Variants in NBEAL1 observed in about 807,000 individuals in gnomAD.
NBEAL1 encodes neurobeachin like 1.
In NBEAL1, 273 loss-of-function variants were observed where a neutral mutation model predicts 351.3. The ratio of observed to expected loss-of-function variants is 0.78; its 90% CI spans 0.70 to 0.86. The LOEUF is 0.86. Ranked by LOEUF, NBEAL1 falls within the 40% of genes least tolerant of loss-of-function variation. The probability of loss-of-function intolerance (pLI) is 0.00; values close to 1 mark genes in which losing one functional copy is unlikely to be tolerated. For missense variants in NBEAL1, 2,961 were observed against 3,201.3 expected (o/e 0.92, Z 1.81); for synonymous variants, 1,050 against 1,086.4 (o/e 0.97, Z 0.66).
intron 8 of NBEAL1, among the ~76,000 whole-genome samples, chr2:203,079,636 G>A (rs2061837796): frequency 6.6e-6 from 1 of 151,774 alleles, no homozygotes; most frequent in Admixed American, 6.6e-5. Context: ...AGTGTACTAT[G>A]TTCTTAATAT....
Position 203,112,091 on chromosome 2 carries a change from T to C in NBEAL1, c.2195T>C (p.Met732Thr), listed in dbSNP as rs890132152. The C allele has an allele frequency of 3.7e-5, 57 of 1,551,750 alleles. No individual in the cohort carries two copies. The highest frequency in any genetic ancestry group is 4.8e-5 in the Non-Finnish European group (55 of 1,146,994). Residue 732 changes from methionine (M) to threonine (T), a missense_variant, in exon 16 of 56, where the codon ATG (methionine) becomes ACG (threonine). By Grantham distance (81) the Met-to-Thr change is moderately conservative. Coordinates refer to ENST00000683969, the MANE Select transcript of NBEAL1 (RefSeq NM_001378026.1). ...KVSAPLRFPA[M>T]NEPFTSCCIG... ...TCTGCCCCTCTCAGATTTCCTGCCA[T>C]GAATGAAGTAAGTATATCCAACCTA... is the stretch of plus-strand genomic sequence containing the variant.
rs149076619 is a variant in NBEAL1, at chr2:203,222,255, A to G, written c.*4901A>G. On this transcript the variant is annotated 3_prime_UTR_variant, in exon 56 of 56. Coordinates refer to ENST00000683969, the MANE Select transcript of NBEAL1 (RefSeq NM_001378026.1). ...CAGTGGTTCTTAATGGATATTACAGATCAGACTTCTCTGTGGAGTTTATAA... is the reference window on the plus strand; with the variant it reads ...CAGTGGTTCTTAATGGATATTACAGGTCAGACTTCTCTGTGGAGTTTATAA... Among the ~76,000 whole-genome samples the G allele has an allele frequency of 3.7e-3, 571 of 152,340 alleles. 8 individuals are homozygous for G. Among genetic ancestry groups the G allele is most frequent in the African/African-American group, 0.013 (550 of 41,586 alleles).
chr2:203,148,249 G>A (rs189739461), intron 33 of NBEAL1, among the ~76,000 whole-genome samples: 1 of 152,042 alleles, frequency 6.6e-6, no homozygotes, highest in Admixed American at 6.5e-5. Context: ...ACACATGAGA[G>A]GACACTGAGC....
rs1444823076 is a variant in NBEAL1 at position 203,136,713 on chromosome 2, G to A, written c.4504G>A (p.Ala1502Thr). Residue 1502 changes from alanine to threonine, a missense_variant, in exon 29 of 56, where the codon GCA becomes ACA. Coordinates refer to ENST00000683969, the MANE Select transcript of NBEAL1 (RefSeq NM_001378026.1). ...TWIERGQVFSALSKPGISSEL... is the reference protein window; with the variant it reads ...TWIERGQVFSTLSKPGISSEL... Reference sequence around the variant, plus strand: ...GATTGAACGAGGACAAGTGTTTTCAGCACTAAGTAAACCAGGAATATCCAG... The same window carrying A: ...GATTGAACGAGGACAAGTGTTTTCAACACTAAGTAAACCAGGAATATCCAG... 6.2e-7 allele frequency: 1 copy of A among 1,613,620 alleles called. No individual in the cohort carries two copies. Among genetic ancestry groups the A allele is most frequent in the African/African-American group, 1.3e-5 (1 of 74,912 alleles).
Position 203,220,366 on chromosome 2 carries a change from C to T in NBEAL1, c.*3012C>T, listed in dbSNP as rs1028305223. 6.6e-6 allele frequency among the ~76,000 whole-genome samples: 1 copy of T among 152,042 alleles called. No individual in the cohort carries two copies. Among genetic ancestry groups the T allele is most frequent in the African/African-American group, 2.4e-5 (1 of 41,410 alleles). On this transcript the variant is annotated 3_prime_UTR_variant, in exon 56 of 56. Coordinates refer to ENST00000683969, the MANE Select transcript of NBEAL1 (RefSeq NM_001378026.1). ...GGGCATGGTGGCAGGTGCCTGTAGT[C>T]CCAGCTACTCAGGAGGCTGAGGCAG...
At chr2:203,130,293 G>C in intron 24 of NBEAL1, 25 bp from the exon 25 acceptor site, 1 of 1,513,606 alleles carries the variant, frequency 6.6e-7, no homozygotes. Context: ...GTGGTGGTTT[G>C]TTTTGTGTTG....
chr2:203,132,363 C>T (rs766169483), intron 26 of NBEAL1, among the ~76,000 whole-genome samples: 7 of 152,056 alleles, frequency 4.6e-5, no homozygotes, highest in Non-Finnish European at 8.8e-5. Context: ...AGTGAGTCCA[C>T]GGAACAAGAA....
At chr2:203,060,736 A>G (rs2106105410) in intron 6 of NBEAL1, among the ~76,000 whole-genome samples, 1 of 152,354 alleles carries the variant, frequency 6.6e-6, no homozygotes, top group East Asian at 1.9e-4. Context: ...AATTATAATA[A>G]CATTCCACTT....
intron 4 of NBEAL1, among the ~76,000 whole-genome samples, chr2:203,054,549 C>T (rs537942171): frequency 4.6e-5 from 7 of 151,964 alleles, no homozygotes; most frequent in African/African-American, 7.3e-5. Flanking sequence ...GGATTACAGA[C>T]GGGCATGAGC....
Position 203,220,555 on chromosome 2 carries a change from A to C in NBEAL1, c.*3201A>C, listed in dbSNP as rs1485735295. On this transcript the variant is annotated 3_prime_UTR_variant, in exon 56 of 56. Transcript: ENST00000683969. Reference sequence around the variant, plus strand: ...TTGTTTCTTGATACTGGTGATGACAAAAATAAAAATCTCAGCATCCTGGTG... The same window carrying C: ...TTGTTTCTTGATACTGGTGATGACACAAATAAAAATCTCAGCATCCTGGTG... 6.6e-6 allele frequency among the ~76,000 whole-genome samples: 1 copy of C among 152,218 alleles called. No homozygotes were observed. Among genetic ancestry groups the C allele is most frequent in the Non-Finnish European group, 1.5e-5 (1 of 68,036 alleles).
At chr2:203,060,800 A>G (rs897607896) in intron 6 of NBEAL1, among the ~76,000 whole-genome samples, 2 of 152,232 alleles carry the variant, frequency 1.3e-5, no homozygotes, top group African/African-American at 4.8e-5. Context: ...ACCAACATTT[A>G]TAGAATTTCT....
intron 49 of NBEAL1, among the ~76,000 whole-genome samples, chr2:203,201,157 T>C (rs919919524): frequency 2.6e-5 from 4 of 152,244 alleles, no homozygotes; most frequent in Non-Finnish European, 5.9e-5. Context: ...TCACCTTGTG[T>C]AGGACATCCC....
At chr2:203,206,319 A>C (rs1266241143) in intron 51 of NBEAL1, among the ~76,000 whole-genome samples, 1 of 152,214 alleles carries the variant, frequency 6.6e-6, no homozygotes, top group Non-Finnish European at 1.5e-5. Flanking sequence ...CATATTTAAA[A>C]ATACCATTAC....
chr2:203,126,319 T>C (rs1346491337), intron 21 of NBEAL1, among the ~76,000 whole-genome samples: 1 of 152,206 alleles, frequency 6.6e-6, no homozygotes, highest in Non-Finnish European at 1.5e-5. Context: ...TATACAACCT[T>C]GTTTGATAGC....
intron 4 of NBEAL1, among the ~76,000 whole-genome samples, chr2:203,056,063 A>G (rs539226725): frequency 6.6e-6 from 1 of 152,370 alleles, no homozygotes; most frequent in South Asian, 2.1e-4. Context: ...CTGCATAGGG[A>G]CAAAAATCTG....
At chr2:203,174,200 C>CAGTGCTTT (rs1455488302) in intron 41 of NBEAL1, among the ~76,000 whole-genome samples, 5 of 79,674 alleles carry the variant, frequency 6.3e-5, no homozygotes, top group African/African-American at 1.0e-4. Context: ...TTAATTATCA[C>CAGTGCTTT]AGTGCTTTAT....
At position 203,105,740 on chromosome 2, in the gene NBEAL1, C is replaced by G. The variant is rs533083348; in HGVS notation, c.1270-1680C>G. On this transcript the variant is annotated intron_variant, in intron 12 of 55. Transcript: ENST00000683969. ...TTGTGATAATTTTAAAGACAAACCC[C>G]TATAGGCACTGCTTTAAGATTTTAA... Among the ~76,000 whole-genome samples the G allele has an allele frequency of 1.7e-4, 26 of 152,228 alleles. No individual in the cohort carries two copies. The East Asian group carries it at 5.0e-3, about 29-fold the overall frequency.
intron 3 of NBEAL1, among the ~76,000 whole-genome samples, chr2:203,042,070 T>C (rs2061151603): frequency 6.6e-6 from 1 of 152,232 alleles, no homozygotes; most frequent in African/African-American, 2.4e-5. Flanking sequence ...TCTAGGACAC[T>C]ACCAGCTGGT....
Position 203,110,251 on chromosome 2 carries a change from T to C in NBEAL1, c.2051T>C (p.Leu684Pro). 1.9e-6 allele frequency: 3 copies of C among 1,552,718 alleles called. No homozygotes were observed. The highest frequency in any genetic ancestry group is 1.7e-6 in the Non-Finnish European group (2 of 1,147,170). Residue 684 changes from leucine to proline, a missense_variant, in exon 15 of 56, where the codon CTT becomes CCT. By Grantham distance (98) the Leu-to-Pro change is moderately conservative. Coordinates refer to ENST00000683969, the MANE Select transcript of NBEAL1 (RefSeq NM_001378026.1). Reference protein sequence around the residue: ...CTKREYATVMLPDHSFCDSLW... With the variant: ...CTKREYATVMPPDHSFCDSLW... The stretch of plus-strand genomic sequence containing the variant: ...AAAAGAGAATATGCAACGGTTATGC[T>C]TCCTGACCACAGTTTCTGTGATTCC...
Sources: gnomAD v4.1 joint callset for allele counts (sites outside exome capture counted in the v4.1 genomes callset) on GRCh38, gnomAD v4.1.1 for gene constraint, MANE v1.5 for transcripts, NCBI Gene and HGNC (gene_info 2026-07-23, HGNC 2026-07-21) for gene names.